COL4A6: variants seen among roughly 807,000 people sequenced by gnomAD.
COL4A6 encodes collagen alpha-6(IV) chain.
COL4A6 carries 59 observed loss-of-function variants against 126.7 expected under a neutral mutation model. The ratio of observed to expected loss-of-function variants is 0.47; its 90% confidence interval spans 0.38 to 0.58. The LOEUF (loss-of-function observed/expected upper bound fraction) is 0.58, where lower values mean the gene tolerates loss of function less well. COL4A6 is among the 20% of genes least tolerant of loss of function. The pLI is 0.00. For missense variants in COL4A6, 1,285 were observed against 1,337.3 expected, an observed-to-expected ratio of 0.96 and a Z score of 0.61; for synonymous variants, 547 against 496.6, an observed-to-expected ratio of 1.10 and a Z score of -1.35.
Position 108,214,158 on chromosome X carries a change from A to G in COL4A6, c.395T>C (p.Val132Ala). 1 of 1,210,541 alleles carries G rather than the reference A, an allele frequency of 8.3e-7. No individual in the cohort carries two copies. The highest frequency in any genetic ancestry group is 1.7e-5 in the African/African-American group (1 of 57,789). Residue 132 changes from valine to alanine, a missense_variant, in exon 6 of 45, where the codon GTT becomes GCT. Val to Ala is a moderately conservative substitution (Grantham distance 64). Coordinates refer to ENST00000334504, the MANE Select transcript of COL4A6 (RefSeq NM_033641.4). Reference protein sequence around the residue: ...LDGCNGTQGAVGFPGPDGYPG... With the variant: ...LDGCNGTQGAAGFPGPDGYPG... ...ATAGCCATCAGGGCCTGGAAATCCA[A>G]CAGCTCCTTGAGTTCCATTACAGCC...
chrX:108,187,403 A>G lies in COL4A6; in HGVS notation c.1768-124T>C, dbSNP rs937587999. 2.6e-5 allele frequency: 14 copies of G among 538,822 alleles called. No homozygotes were observed. The Admixed American group carries it at 2.7e-4, about 10-fold the overall frequency. The allele number at this position is 538,822 out of a possible 1,213,427, so 44.4% of individuals were successfully genotyped here. ...TTGTGTTTTGTTAAAATTATCTATCATCACCATAGTTTATCTATCAGTCTC... is the reference window on the plus strand; with the variant it reads ...TTGTGTTTTGTTAAAATTATCTATCGTCACCATAGTTTATCTATCAGTCTC... On this transcript the variant is annotated intron_variant, in intron 22 of 44. Coordinates refer to ENST00000334504, the MANE Select transcript of COL4A6 (RefSeq NM_033641.4).
intron 37 of COL4A6, among the ~76,000 whole-genome samples, chrX:108,166,982 C>G (rs936356506): frequency 9.0e-6 from 1 of 111,677 alleles, no homozygotes; most frequent in African/African-American, 3.3e-5. Context: ...CAGTGGTGGG[C>G]AGTACACAAA....
At chrX:108,401,982 C>T (rs2041097885) in intron 2 of COL4A6, among the ~76,000 whole-genome samples, 1 of 111,541 alleles carries the variant, frequency 9.0e-6, no homozygotes, top group African/African-American at 3.2e-5. Flanking sequence ...GATAGATTTT[C>T]CTTTTTATAT....
rs760071995 is a variant in COL4A6, at chrX:108,170,626, C to T, written c.3476G>A (p.Gly1159Glu). Residue 1159 changes from glycine to glutamate, a missense_variant, in exon 35 of 45, where the codon GGA becomes GAA. Gly to Glu is a moderately conservative substitution (Grantham distance 98). Transcript: ENST00000334504. Reference sequence around the variant, plus strand: ...ACACATACCTTTGGGTCCTATTAATCCGGGGGATCCTAGAGGCCCAATTGC... The same window carrying T: ...ACACATACCTTTGGGTCCTATTAATTCGGGGGATCCTAGAGGCCCAATTGC... ...QGAIGPLGSP[G>E]LIGPKGFPGF... is the part of the protein sequence containing the mutation. 6.6e-6 allele frequency: 8 copies of T among 1,203,414 alleles called. No individual in the cohort carries two copies. Among genetic ancestry groups the T allele is most frequent in the Non-Finnish European group, 9.0e-6 (8 of 892,386 alleles).
chrX:108,316,690 C>T (rs1231055635), intron 2 of COL4A6, among the ~76,000 whole-genome samples: 1 of 111,975 alleles, frequency 8.9e-6, no homozygotes, highest in Non-Finnish European at 1.9e-5. Flanking sequence ...GATTCTGATG[C>T]ACATAATGTT....
At position 108,349,803 on chromosome X, in the gene COL4A6, T is replaced by A. The variant is rs186331390; in HGVS notation, c.64-38975A>T. Among the ~76,000 whole-genome samples, 4 of 112,078 alleles carry A rather than the reference T, an allele frequency of 3.6e-5. No homozygotes were observed. In the East Asian group the frequency reaches 8.3e-4, roughly 23 times the overall value. On this transcript the variant is annotated intron_variant, in intron 2 of 44. Transcript: ENST00000334504. ...CACTAGAAATAGTAGTAACAATCCC[T>A]GCAACATAAATACAGATAATAGAAG...
intron 3 of COL4A6, among the ~76,000 whole-genome samples, chrX:108,283,268 C>T (rs987097377): frequency 9.8e-5 from 11 of 112,127 alleles, no homozygotes; most frequent in African/African-American, 3.6e-4. Context: ...TTTGAAAACA[C>T]AGTTTGGCTA....
At chrX:108,163,074 G>A (rs1310749454) in intron 40 of COL4A6, 36 bp from the exon 41 acceptor site, 4 of 1,163,482 alleles carry the variant, frequency 3.4e-6, no homozygotes, top group East Asian at 3.2e-5. Flanking sequence ...ACATCAGGCT[G>A]AGGCAGAGGG....
intron 3 of COL4A6, among the ~76,000 whole-genome samples, chrX:108,234,529 G>C (rs1213674219): frequency 8.9e-6 from 1 of 112,036 alleles, no homozygotes; most frequent in Non-Finnish European, 1.9e-5. Context: ...ATTTTTTAGA[G>C]ATAAATCAGG....
Position 108,438,402 on chromosome X carries a change from A to G in COL4A6, c.-206T>C, listed in dbSNP as rs1485238321. 1 of 1,048,315 alleles carries G rather than the reference A, an allele frequency of 9.5e-7. No homozygotes were observed. The highest frequency in any genetic ancestry group is 3.6e-5 in the East Asian group (1 of 27,958). 86.4% of individuals were successfully genotyped at this position (1,048,315 alleles called of 1,213,427 possible). A position where few individuals can be genotyped will look rare whatever the true frequency, so the allele number is the denominator to read the frequency against. The stretch of plus-strand genomic sequence containing the variant: ...AAACAGGCTCAGCGGTGCCCGTTAC[A>G]ACTTGCAGCACTCAGGAGATAGTTC... On this transcript the variant is annotated 5_prime_UTR_variant, in exon 1 of 45. Coordinates refer to ENST00000334504, the MANE Select transcript of COL4A6 (RefSeq NM_033641.4).
intron 2 of COL4A6, chrX:108,383,580 G>A (rs1181442100): frequency 8.1e-6 from 4 of 491,450 alleles, no homozygotes; most frequent in African/African-American, 2.4e-5. Flanking sequence ...AATGCGAGGC[G>A]AATAGCTGTT....
chrX:108,257,656 G>A (rs1361149289), intron 3 of COL4A6, among the ~76,000 whole-genome samples: 2 of 110,792 alleles, frequency 1.8e-5, no homozygotes, highest in African/African-American at 6.6e-5. Context: ...CCCTGTGGTC[G>A]GATAAGTCAC....
chrX:108,254,979 TA>T (rs781190095), intron 3 of COL4A6, among the ~76,000 whole-genome samples: 2 of 108,730 alleles, frequency 1.8e-5, no homozygotes, highest in South Asian at 4.0e-4. Context: ...ATAGTGATCT[TA>T]AAAAAGTAAC....
intron 40 of COL4A6, 198 bp from the exon 41 acceptor site, chrX:108,163,236 C>T: frequency 2.6e-6 from 1 of 386,441 alleles, no homozygotes; most frequent in South Asian, 5.2e-5. Flanking sequence ...GGTTGGGTAG[C>T]TCCAAGAGGG....
Position 108,161,599 on chromosome X carries a change from C to CCCCT in COL4A6, c.4333+19_4333+20insAGGG. 1.1e-6 allele frequency: 1 copy of CCCCT among 887,949 alleles called. No homozygotes were observed. The highest frequency in any genetic ancestry group is 1.6e-6 in the Non-Finnish European group (1 of 642,132). 73.2% of individuals were successfully genotyped at this position (887,949 alleles called of 1,213,427 possible). ...CCACCATCCCCGCCCCGCCCGCCTCCTAATGTGGCATCATCAGACCTTCAA... is the reference window on the plus strand; with the variant it reads ...CCACCATCCCCGCCCCGCCCGCCTCCCCCTTAATGTGGCATCATCAGACCTTCAA... On this transcript the variant is annotated intron_variant, in intron 42 of 44. Transcript: ENST00000334504.
At chrX:108,266,093 T>C (rs993638334) in intron 3 of COL4A6, among the ~76,000 whole-genome samples, 1 of 111,854 alleles carries the variant, frequency 8.9e-6, no homozygotes, top group Admixed American at 9.5e-5. Flanking sequence ...GATGAGGTGG[T>C]TTATTTTGAA....
intron 2 of COL4A6, among the ~76,000 whole-genome samples, chrX:108,421,074 C>T (rs2063975032): frequency 8.9e-6 from 1 of 112,101 alleles, no homozygotes; most frequent in East Asian, 2.8e-4. Context: ...ATTACTGATA[C>T]TGTCTAACCG....
chrX:108,382,962 AAATAATAATAATAAT>A (rs4035941), intron 2 of COL4A6, among the ~76,000 whole-genome samples: 5 of 88,304 alleles, frequency 5.7e-5, no homozygotes, highest in African/African-American at 1.2e-4. Flanking sequence ...CCCCCGCCAA[AAATAATAATAATAAT>A]AATAATAATA....
chrX:108,171,515 G>T (rs1196364632), intron 32 of COL4A6, 54 bp from the exon 33 acceptor site: 5 of 1,004,664 alleles, frequency 5.0e-6, no homozygotes, highest in Non-Finnish European at 6.9e-6. Flanking sequence ...AGCTCATTTT[G>T]CACCACTGAG....
Sources: allele counts gnomAD v4.1 joint callset (sites outside exome capture counted in the v4.1 genomes callset), GRCh38; gene constraint gnomAD v4.1.1; transcripts MANE v1.5; gene names NCBI Gene and HGNC (gene_info 2026-07-23, HGNC 2026-07-21).